PYGM: variants seen among roughly 807,000 people sequenced by gnomAD.
The protein encoded by PYGM is glycogen phosphorylase, muscle form.
Under a neutral mutation model 99.3 loss-of-function variants are expected in PYGM, and 81 were observed. That is an observed-to-expected ratio of 0.82 (90% CI 0.68 to 0.98). The LOEUF is 0.98. PYGM is among the 50% of genes least tolerant of loss of function. The probability of loss-of-function intolerance (pLI) is 0.00; values close to 1 mark genes in which losing one functional copy is unlikely to be tolerated. For synonymous variants in PYGM, 436 were observed against 451.5 expected, an observed-to-expected ratio of 0.97 and a Z score of 0.44; for missense variants, 1,030 against 1,158.1, an observed-to-expected ratio of 0.89 and a Z score of 1.61.
chr11:64,758,144 C>T, intron 4 of PYGM, 102 bp downstream of exon 4: 1 of 1,445,060 alleles, frequency 6.9e-7, no homozygotes, highest in Non-Finnish European at 9.7e-7. Flanking sequence ...ATGCTTTCCA[C>T]AGAGCTTGCG....
chr11:64,759,781 G>A lies in PYGM; in HGVS notation c.118C>T (p.Leu40Phe). 1 of 1,614,236 alleles carries A rather than the reference G, an allele frequency of 6.2e-7. No individual in the cohort carries two copies. Among genetic ancestry groups the A allele is most frequent in the Non-Finnish European group, 8.5e-7 (1 of 1,180,034 alleles). ...KNFNRHLHFTLVKDRNVATPR... is the reference protein window; with the variant it reads ...KNFNRHLHFTFVKDRNVATPR... ...GTGGCCACATTGCGGTCCTTTACGA[G>A]TGTGAAATGCAGGTGCCGGTTGAAG... Residue 40 changes from leucine to phenylalanine, a missense_variant, in exon 1 of 20, where the codon CTC becomes TTC. By Grantham distance (22) the Leu-to-Phe change is conservative (BLOSUM62 0). Coordinates refer to ENST00000164139, the MANE Select transcript of PYGM (RefSeq NM_005609.4).
intron 15 of PYGM, 41 bp downstream of exon 15, chr11:64,751,556 A>G: frequency 6.2e-7 from 1 of 1,614,046 alleles, no homozygotes; most frequent in South Asian, 1.1e-5. Flanking sequence ...ACCTGGATAT[A>G]TCAAAGGACG....
intron 4 of PYGM, 53 bp downstream of exon 4, chr11:64,758,193 G>C (rs2058406568): frequency 6.5e-7 from 1 of 1,540,218 alleles, no homozygotes; most frequent in Non-Finnish European, 9.0e-7. Context: ...TAAACAAGTG[G>C]GGGTCTTCCC....
chr11:64,759,945 C>T lies in PYGM; in HGVS notation c.-47G>A, dbSNP rs193179721. 18 of 1,606,208 alleles carry T rather than the reference C, an allele frequency of 1.1e-5. No individual in the cohort carries two copies. The highest frequency in any genetic ancestry group is 2.7e-5 in the African/African-American group (2 of 74,842). On this transcript the variant is annotated 5_prime_UTR_variant, in exon 1 of 20. Transcript: ENST00000164139. ...ACTGGACTGATGGTAGAGGGGACGG[C>T]GGCCTCAGCACTGCCTCCAGCCAAG...
At chr11:64,757,301 T>C (rs767987045) in intron 5 of PYGM, among the ~76,000 whole-genome samples, 4 of 152,106 alleles carry the variant, frequency 2.6e-5, no homozygotes, top group African/African-American at 4.8e-5. Context: ...CAAGCCATAC[T>C]GTCACCTCGG....
Position 64,755,565 on chromosome 11 carries a change from G to A in PYGM, c.661-7C>T. The A allele has an allele frequency of 6.2e-7, 1 of 1,611,984 alleles. No homozygotes were observed. The highest frequency in any genetic ancestry group is 1.1e-5 in the South Asian group (1 of 91,024). On this transcript the variant is annotated splice_region_variant and splice_polypyrimidine_tract_variant and intron_variant, in intron 5 of 19. Transcript: ENST00000164139. This position sits in a 1 kb window ranked among gnomAD's most constrained non-coding sequence, Gnocchi z 4.1. Reference sequence around the variant, plus strand: ...AGGGCATGGCCAGTACCACCTGCGGGGGGCAATCCTGTCAGGAGCTGGCCA... The same window carrying A: ...AGGGCATGGCCAGTACCACCTGCGGAGGGCAATCCTGTCAGGAGCTGGCCA...
intron 4 of PYGM, 76 bp from the exon 5 acceptor site, chr11:64,757,986 G>C (rs773828976): frequency 3.2e-5 from 51 of 1,592,214 alleles, no homozygotes; most frequent in Non-Finnish European, 4.2e-5. Context: ...GGGGCAGGGT[G>C]GGGGCCGTGG....
Position 64,747,354 on chromosome 11 carries a change from T to G in PYGM, c.2182A>C (p.Asn728His). The G allele has an allele frequency of 6.2e-7, 1 of 1,614,190 alleles. No homozygotes were observed. Among genetic ancestry groups the G allele is most frequent in the Non-Finnish European group, 8.5e-7 (1 of 1,180,026 alleles). The stretch of plus-strand genomic sequence containing the variant: ...ATGCGATCGTAGTACTCCTGGGCAT[T>G]GTACCTGCCAGGACAGAGCTGTGGT... ...DVDKLDQRGY[N>H]AQEYYDRIPE... Residue 728 changes from asparagine to histidine, a missense_variant, in exon 18 of 20, where the codon AAT becomes CAT. By Grantham distance (68) the Asn-to-His change is moderately conservative. Coordinates refer to ENST00000164139, the MANE Select transcript of PYGM (RefSeq NM_005609.4).
In PYGM at chr11:64,754,329, T is replaced by C; in HGVS notation, c.1016A>G (p.Asn339Ser). The C allele has an allele frequency of 1.9e-6, 3 of 1,613,210 alleles. No homozygotes were observed. The highest frequency in any genetic ancestry group is 2.5e-6 in the Non-Finnish European group (3 of 1,179,520). ...AFPDKVAIQLNDTHPSLAIPE... is the reference protein window; with the variant it reads ...AFPDKVAIQLSDTHPSLAIPE... ...GATGGCCAGGGAGGGGTGGGTGTCA[T>C]TGAGCTGGATGGCCACCTGGGGTAG... The change falls in exon 9 of 20, where the codon AAT becomes AGT. Residue 339 changes from asparagine to serine, a missense_variant. Physicochemically the swap from Asn to Ser is conservative, Grantham distance 46 (BLOSUM62 1). Coordinates refer to ENST00000164139, the MANE Select transcript of PYGM (RefSeq NM_005609.4). The surrounding 1 kb of genome is among the most constrained non-coding windows in gnomAD (Gnocchi z 5.5).
At chr11:64,756,882 C>T (rs923689972) in intron 5 of PYGM, among the ~76,000 whole-genome samples, 2 of 152,204 alleles carry the variant, frequency 1.3e-5, no homozygotes, top group African/African-American at 4.8e-5. Flanking sequence ...CTCACTGCAG[C>T]CTTTAAATCC....
chr11:64,756,775 G>A (rs1219895153), intron 5 of PYGM, among the ~76,000 whole-genome samples: 2 of 151,998 alleles, frequency 1.3e-5, no homozygotes, highest in Non-Finnish European at 2.9e-5. Context: ...TGTACACCTG[G>A]TTTGGTTTTA....
Position 64,752,005 on chromosome 11 carries a change from G to A in PYGM, c.1687C>T (p.Leu563Phe), listed in dbSNP as rs746276802. 8 of 1,614,068 alleles carry A rather than the reference G, an allele frequency of 5.0e-6. No individual in the cohort carries two copies. Among genetic ancestry groups the A allele is most frequent in the Non-Finnish European group, 6.8e-6 (8 of 1,180,028 alleles). ...ATCCGCTTCACCTGGATGTCGAAGA[G>A]TGAGTTGGGGTTGATGTGGACTTTG... ...EYKVHINPNS[L>F]FDIQVKRIHE... Residue 563 changes from leucine to phenylalanine, a missense_variant, in exon 14 of 20, where the codon CTC becomes TTC. Leu to Phe is a conservative substitution (Grantham distance 22). Transcript: ENST00000164139.
intron 4 of PYGM, 88 bp downstream of exon 4, chr11:64,758,158 C>T: frequency 6.8e-7 from 1 of 1,473,306 alleles, no homozygotes; most frequent in Non-Finnish European, 9.5e-7. Flanking sequence ...GCTTGCGGGG[C>T]TGTTTCGGAC....
chr11:64,746,576 C>A lies in PYGM; in HGVS notation c.*83G>T, dbSNP rs1177277892. The A allele has an allele frequency of 1.3e-6, 2 of 1,574,196 alleles. No individual in the cohort carries two copies. Among genetic ancestry groups the A allele is most frequent in the Non-Finnish European group, 1.7e-6 (2 of 1,149,688 alleles). On this transcript the variant is annotated 3_prime_UTR_variant, in exon 20 of 20. Coordinates refer to ENST00000164139, the MANE Select transcript of PYGM (RefSeq NM_005609.4). ...GGGGCTTAGAGATCTAACTCCAGTACCCCACCCTCTGCATGAGGTGCTGGG... is the reference window on the plus strand; with the variant it reads ...GGGGCTTAGAGATCTAACTCCAGTAACCCACCCTCTGCATGAGGTGCTGGG...
chr11:64,754,167 C>T lies in PYGM; in HGVS notation c.1092+86G>A, dbSNP rs575606623. On this transcript the variant is annotated intron_variant, in intron 9 of 19. Coordinates refer to ENST00000164139, the MANE Select transcript of PYGM (RefSeq NM_005609.4). The surrounding 1 kb of genome is among the most constrained non-coding windows in gnomAD (Gnocchi z 5.5). ...GCCTCAGGCTCTGATCCCTTCACTC[C>T]ATTCATATCCTCCCACGCTCCCAAA... is the stretch of plus-strand genomic sequence containing the variant. The T allele has an allele frequency of 3.8e-6, 6 of 1,577,218 alleles. No individual in the cohort carries two copies. The South Asian group carries it at 5.5e-5, about 15-fold the overall frequency.
chr11:64,759,609 G>A (rs976706840), intron 1 of PYGM, 47 bp downstream of exon 1: 1 of 1,608,152 alleles, frequency 6.2e-7, no homozygotes. Context: ...CCAGCTCCCT[G>A]GCAGCGCCTT....
intron 17 of PYGM, among the ~76,000 whole-genome samples, chr11:64,749,863 G>A (rs752761416): frequency 5.4e-4 from 81 of 149,728 alleles, no homozygotes; most frequent in Non-Finnish European, 1.0e-3. Flanking sequence ...CGCGATCTCG[G>A]CTCACTGCAA....
chr11:64,755,275 T>A lies in PYGM; in HGVS notation c.853A>T (p.Asn285Tyr). 1 of 1,613,802 alleles carries A rather than the reference T, an allele frequency of 6.2e-7. No individual in the cohort carries two copies. Among genetic ancestry groups the A allele is most frequent in the Non-Finnish European group, 8.5e-7 (1 of 1,179,784 alleles). The stretch of plus-strand genomic sequence containing the variant: ...CCCCAGCCCAGGGGGTGACGCACAT[T>A]ATCATTGGGGTACAGGACACGAGAG... ...NISRVLYPND[N>Y]FFEGKELRLK... The change falls in exon 7 of 20, where the codon AAT (asparagine) becomes TAT (tyrosine). Residue 285 changes from asparagine (N) to tyrosine (Y), a missense_variant and splice_region_variant. Transcript: ENST00000164139. This position sits in a 1 kb window ranked among gnomAD's most constrained non-coding sequence, Gnocchi z 4.1.
At chr11:64,752,955 G>A (rs1366486588) in intron 12 of PYGM, 118 bp downstream of exon 12, 5 of 965,586 alleles carry the variant, frequency 5.2e-6, no homozygotes, top group African/African-American at 1.6e-5. Flanking sequence ...ACACAGTGCA[G>A]GAGGGATTTC....
Sources: allele counts gnomAD v4.1 joint callset (sites outside exome capture counted in the v4.1 genomes callset), GRCh38; gene constraint gnomAD v4.1.1; non-coding constraint Gnocchi (gnomAD v3.1); transcripts MANE v1.5; gene names NCBI Gene and HGNC (gene_info 2026-07-23, HGNC 2026-07-21).